Variants in CAPN9 observed in about 807,000 individuals in gnomAD.
CAPN9 encodes the protein calpain 9, also known as calpain-9.
Under a neutral mutation model 92.8 loss-of-function variants are expected in CAPN9, and 81 were observed. That is an observed-to-expected ratio of 0.87 (90% CI 0.73 to 1.05). The LOEUF (loss-of-function observed/expected upper bound fraction) is 1.05, where lower values mean the gene tolerates loss of function less well. Among genes scored for constraint, CAPN9 ranks in the 50% least tolerant of loss-of-function variants. The probability of loss-of-function intolerance (pLI) is 0.00; values close to 1 mark genes in which losing one functional copy is unlikely to be tolerated. For synonymous variants in CAPN9, 304 were observed against 328.0 expected, an observed-to-expected ratio of 0.93 and a Z score of 0.79; for missense variants, 848 against 866.2, an observed-to-expected ratio of 0.98 and a Z score of 0.26.
chr1:230,786,165 AC>A, intron 12 of CAPN9, 148 bp downstream of exon 12: 1 of 1,559,744 alleles, frequency 6.4e-7, no homozygotes, highest in East Asian at 2.3e-5. Flanking sequence ...CCTCCTGGAG[AC>A]CAAGATGTGT....
intron 19 of CAPN9, among the ~76,000 whole-genome samples, chr1:230,800,259 A>G (rs551315472): frequency 2.4e-5 from 3 of 125,790 alleles, no homozygotes; most frequent in Non-Finnish European, 5.1e-5. Flanking sequence ...AGAAAGAAAG[A>G]AAGAAAGAAA....
At chr1:230,796,363 TA>T (rs2102940042) in intron 18 of CAPN9, among the ~76,000 whole-genome samples, 1 of 146,342 alleles carries the variant, frequency 6.8e-6, no homozygotes, top group Non-Finnish European at 1.5e-5. Flanking sequence ...AATAAATAAA[TA>T]AATAAATAAT....
chr1:230,792,754 G>A, intron 16 of CAPN9, 96 bp from the exon 17 acceptor site: 8 of 1,051,664 alleles, frequency 7.6e-6, no homozygotes, highest in South Asian at 1.4e-5. Flanking sequence ...GGCCCCTAGA[G>A]GGTAGCTCCC....
chr1:230,795,355 G>A (rs1668283278), intron 18 of CAPN9, 76 bp downstream of exon 18: 4 of 860,068 alleles, frequency 4.7e-6, no homozygotes, highest in East Asian at 2.5e-5. Context: ...ATGAGAAACA[G>A]CCTGGTTAAA....
At position 230,801,682 on chromosome 1, in the gene CAPN9, T is replaced by C. The variant is rs1668735347; in HGVS notation, c.*86T>C. The C allele has an allele frequency of 5.6e-6, 7 of 1,244,936 alleles. No individual in the cohort carries two copies. Among genetic ancestry groups the C allele is most frequent in the South Asian group, 4.8e-5 (4 of 83,594 alleles). The allele number at this position is 1,244,936 out of a possible 1,614,324, so 77.1% of individuals were successfully genotyped here. On this transcript the variant is annotated 3_prime_UTR_variant, in exon 20 of 20. Coordinates refer to ENST00000271971, the MANE Select transcript of CAPN9 (RefSeq NM_006615.3). ...AGAACTTCTCTTGGTGTGGAACCAT[T>C]ACGCCCAGGGTTCACTCCCCTCTCA...
At chr1:230,791,160 T>A (rs1468119961) in intron 14 of CAPN9, among the ~76,000 whole-genome samples, 1 of 152,284 alleles carries the variant, frequency 6.6e-6, no homozygotes, top group South Asian at 2.1e-4. Flanking sequence ...CGGTTTTTGG[T>A]CATTATGAAT....
intron 3 of CAPN9, among the ~76,000 whole-genome samples, chr1:230,761,573 G>C (rs1424076246): frequency 2.5e-5 from 3 of 120,110 alleles, no homozygotes; most frequent in African/African-American, 3.7e-5. Flanking sequence ...CACACACACA[G>C]ACACCCTCAG....
chr1:230,762,569 G>T, intron 3 of CAPN9, 84 bp from the exon 4 acceptor site: 1 of 1,519,444 alleles, frequency 6.6e-7, no homozygotes, highest in East Asian at 2.3e-5. Context: ...GGGGAAAAAA[G>T]CAACAGGATC....
intron 19 of CAPN9, among the ~76,000 whole-genome samples, chr1:230,799,046 T>C (rs1201697986): frequency 6.6e-6 from 1 of 152,206 alleles, no homozygotes. Flanking sequence ...TATCTTTCTT[T>C]CCAGGTCTGC....
chr1:230,764,072 A>G (rs1265642599), intron 4 of CAPN9, among the ~76,000 whole-genome samples: 1 of 152,234 alleles, frequency 6.6e-6, no homozygotes, highest in Admixed American at 6.5e-5. Flanking sequence ...GCTCACCAAA[A>G]AAAAACTGTA....
chr1:230,750,040 G>C (rs913769780), intron 1 of CAPN9, among the ~76,000 whole-genome samples: 2 of 152,132 alleles, frequency 1.3e-5, no homozygotes, highest in African/African-American at 4.8e-5. Flanking sequence ...CCCCTCCTGG[G>C]ACCAGGGCCA....
At chr1:230,774,743 T>TTTCTTTCTTTC (rs1553260384) in intron 8 of CAPN9, 112 bp downstream of exon 8, 332 of 445,318 alleles carry the variant, frequency 7.5e-4, no homozygotes, top group South Asian at 3.4e-3. Flanking sequence ...TTCTTTCTTT[T>TTTCTTTCTTTC]TTTTTTTTTT....
intron 1 of CAPN9, among the ~76,000 whole-genome samples, chr1:230,752,166 ACAC>A (rs1419943348): frequency 6.6e-6 from 1 of 152,156 alleles, no homozygotes; most frequent in Middle Eastern, 3.2e-3. Context: ...ACCTGGGCAC[ACAC>A]AACAAGGCAA....
intron 1 of CAPN9, among the ~76,000 whole-genome samples, chr1:230,751,312 G>A (rs967961917): frequency 2.6e-5 from 4 of 152,088 alleles, no homozygotes; most frequent in Non-Finnish European, 5.9e-5. Context: ...GACAGGGATC[G>A]GCACATAGCT....
intron 11 of CAPN9, among the ~76,000 whole-genome samples, chr1:230,782,985 C>A (rs185979456): frequency 6.6e-6 from 1 of 152,160 alleles, no homozygotes; most frequent in South Asian, 2.1e-4. Context: ...CCATTGCACT[C>A]CAGCCTGTGC....
At chr1:230,791,469 A>G (rs941340191) in intron 14 of CAPN9, among the ~76,000 whole-genome samples, 3 of 152,200 alleles carry the variant, frequency 2.0e-5, no homozygotes, top group African/African-American at 2.4e-5. Context: ...TGCTGCAAAA[A>G]CATGATTCCT....
chr1:230,768,364 C>T (rs977689493), intron 5 of CAPN9, among the ~76,000 whole-genome samples: 1 of 152,182 alleles, frequency 6.6e-6, no homozygotes, highest in Non-Finnish European at 1.5e-5. Context: ...CTCCCTCCCA[C>T]CCGTTTCTCA....
intron 2 of CAPN9, 98 bp downstream of exon 2, chr1:230,755,504 G>C (rs1253274144): frequency 1.2e-6 from 1 of 845,966 alleles, no homozygotes; most frequent in Non-Finnish European, 1.9e-6. Flanking sequence ...AAGAGGCACG[G>C]GGCTGGGGGA....
At chr1:230,769,304 T>C in intron 6 of CAPN9, 41 bp downstream of exon 6, 2 of 1,370,204 alleles carry the variant, frequency 1.5e-6, no homozygotes, top group Non-Finnish European at 2.1e-6. Flanking sequence ...TGGGGAGACA[T>C]GTGACAATGC....
Sources: gnomAD v4.1 joint callset for allele counts (sites outside exome capture counted in the v4.1 genomes callset) on GRCh38, gnomAD v4.1.1 for gene constraint, MANE v1.5 for transcripts, NCBI Gene and HGNC (gene_info 2026-07-23, HGNC 2026-07-21) for gene names.